The following PDE1C variants were observed in gnomAD, a reference collection of about 807,000 sequenced individuals.
The protein encoded by PDE1C is phosphodiesterase 1C.
PDE1C carries 62 observed loss-of-function variants against 93.1 expected under a neutral mutation model. The ratio of observed to expected loss-of-function variants is 0.67; its 90% confidence interval spans 0.54 to 0.82. The LOEUF (loss-of-function observed/expected upper bound fraction) is 0.82, where lower values mean the gene tolerates loss of function less well. Among genes scored for constraint, PDE1C ranks in the 40% least tolerant of loss-of-function variants. The pLI is 0.00. For missense variants in PDE1C, 742 were observed against 884.6 expected, an observed-to-expected ratio of 0.84 and a Z score of 2.04; for synonymous variants, 325 against 310.1, an observed-to-expected ratio of 1.05 and a Z score of -0.50.
chr7:32,162,573 T>TA (rs145957309), intron 3 of PDE1C, among the ~76,000 whole-genome samples: 39,038 of 151,870 alleles, frequency 0.26, 5,245 homozygotes, highest in Middle Eastern at 0.34. Context: ...ACTGCAGCTC[T>TA]AAAAAAAGTT....
intron 1 of PDE1C, among the ~76,000 whole-genome samples, chr7:32,387,632 G>C (rs1386580688): frequency 2.1e-5 from 3 of 141,210 alleles, no homozygotes; most frequent in Non-Finnish European, 4.6e-5. Flanking sequence ...GCGGGGGGCT[G>C]ATCCCCCCAC....
At chr7:31,858,357 A>G (rs990991622) in intron 7 of PDE1C, among the ~76,000 whole-genome samples, 8 of 152,136 alleles carry the variant, frequency 5.3e-5, no homozygotes, top group African/African-American at 1.9e-4. Context: ...CTTTCTCTCT[A>G]CCATAATGCC....
chr7:32,331,362 T>C lies in PDE1C; in HGVS notation c.310+96460A>G, dbSNP rs188390075. 2.3e-3 allele frequency among the ~76,000 whole-genome samples: 353 copies of C among 152,286 alleles called. 3 individuals are homozygous for C. Among genetic ancestry groups the C allele is most frequent in the African/African-American group, 7.9e-3 (330 of 41,562 alleles). Reference sequence around the variant, plus strand: ...GTGCGAAGCAAGACTGACCCCTGCCTTCATGGAGTTTACAGGTTAGTGGGG... The same window carrying C: ...GTGCGAAGCAAGACTGACCCCTGCCCTCATGGAGTTTACAGGTTAGTGGGG... On this transcript the variant is annotated intron_variant, in intron 1 of 1. Transcript: ENST00000672256.
intron 2 of PDE1C, among the ~76,000 whole-genome samples, chr7:31,979,093 T>C (rs1011506757): frequency 3.9e-5 from 6 of 152,198 alleles, no homozygotes; most frequent in Non-Finnish European, 7.3e-5. Flanking sequence ...ATGGCTGATA[T>C]CATTAATAAA....
intron 2 of PDE1C, among the ~76,000 whole-genome samples, chr7:32,186,296 G>T (rs1803876605): frequency 6.6e-6 from 1 of 151,638 alleles, no homozygotes. Context: ...TAGAGACGGG[G>T]TTTCACCTTA....
the PDE1C span, chr7:31,695,370 C>T: frequency 8.9e-7 from 1 of 1,124,614 alleles, no homozygotes; most frequent in Non-Finnish European, 1.3e-6. Context: ...GCCAAATCAC[C>T]TCTGTCCTGT....
the PDE1C span, among the ~76,000 whole-genome samples, chr7:31,648,818 C>T: frequency 0.16 from 23,842 of 152,228 alleles, 2,334 homozygotes; most frequent in Non-Finnish European, 0.2. Flanking sequence ...TTCAGCTATA[C>T]TGTGGTCCCT....
intron 1 of PDE1C, among the ~76,000 whole-genome samples, chr7:32,374,232 A>G (rs1265659080): frequency 3.8e-4 from 57 of 148,752 alleles, no homozygotes; most frequent in African/African-American, 1.3e-3. Context: ...AAGAAAGAAA[A>G]AGAAAGAAGG....
At chr7:32,420,881 T>C (rs187426044) in intron 1 of PDE1C, among the ~76,000 whole-genome samples, 276 of 152,270 alleles carry the variant, frequency 1.8e-3, no homozygotes, top group African/African-American at 6.5e-3. Context: ...TCCGTTTTCC[T>C]GATCTCAGCC....
At chr7:31,959,842 C>T (rs1808674198) in intron 2 of PDE1C, among the ~76,000 whole-genome samples, 1 of 151,804 alleles carries the variant, frequency 6.6e-6, no homozygotes. Context: ...GTAGAATGCA[C>T]TAGAAACAAT....
At chr7:31,936,482 C>T (rs765241013) in intron 2 of PDE1C, among the ~76,000 whole-genome samples, 1 of 151,478 alleles carries the variant, frequency 6.6e-6, no homozygotes, top group African/African-American at 2.4e-5. Flanking sequence ...TTATCCCAAA[C>T]TTACAGGCAT....
intron 3 of PDE1C, among the ~76,000 whole-genome samples, chr7:32,148,903 C>T (rs1801069345): frequency 6.6e-6 from 1 of 152,144 alleles, no homozygotes; most frequent in Non-Finnish European, 1.5e-5. Context: ...GTTTACCAAG[C>T]TTATTATCTA....
At chr7:32,134,001 C>T (rs1800070140) in intron 3 of PDE1C, among the ~76,000 whole-genome samples, 1 of 151,414 alleles carries the variant, frequency 6.6e-6, no homozygotes, top group South Asian at 2.1e-4. Context: ...GAATACTATA[C>T]CTGAAATTTA....
chr7:31,932,308 AATCTATCC>A (rs202242964), intron 2 of PDE1C, among the ~76,000 whole-genome samples: 10,074 of 152,224 alleles, frequency 0.066, 576 homozygotes, highest in African/African-American at 0.16. Flanking sequence ...AAATTTTTGC[AATCTATCC>A]ATCTGACAAA....
chr7:32,050,531 A>G (rs7786993), intron 2 of PDE1C, among the ~76,000 whole-genome samples: 3,459 of 152,238 alleles, frequency 0.023, 145 homozygotes, highest in African/African-American at 0.078. Flanking sequence ...TGAGGTGATG[A>G]ATATGTTAAT....
chr7:31,928,693 T>C (rs1254454162), intron 2 of PDE1C, among the ~76,000 whole-genome samples: 1 of 152,128 alleles, frequency 6.6e-6, no homozygotes, highest in Non-Finnish European at 1.5e-5. Context: ...CTAAGCTTCA[T>C]AAGCAAAGGA....
At chr7:32,320,218 T>A (rs1195158038) in intron 1 of PDE1C, among the ~76,000 whole-genome samples, 1 of 152,240 alleles carries the variant, frequency 6.6e-6, no homozygotes, top group Non-Finnish European at 1.5e-5. Flanking sequence ...CAATGACCAC[T>A]GCTTGTATAT....
At chr7:32,206,914 A>G (rs1235739830) in intron 2 of PDE1C, among the ~76,000 whole-genome samples, 1 of 151,848 alleles carries the variant, frequency 6.6e-6, no homozygotes, top group Non-Finnish European at 1.5e-5. Flanking sequence ...TTCTCCCAGC[A>G]TTTGTGAGGG....
At chr7:31,965,251 A>G (rs1161750216) in intron 2 of PDE1C, among the ~76,000 whole-genome samples, 1 of 152,262 alleles carries the variant, frequency 6.6e-6, no homozygotes, top group Non-Finnish European at 1.5e-5. Flanking sequence ...ACCAATGCAG[A>G]GAAGTCCTTA....
Sources: allele counts gnomAD v4.1 joint callset (sites outside exome capture counted in the v4.1 genomes callset), GRCh38; gene constraint gnomAD v4.1.1; transcripts MANE v1.5; gene names NCBI Gene and HGNC (gene_info 2026-07-23, HGNC 2026-07-21).